NSUN2: variants seen among roughly 807,000 people sequenced by gnomAD.
NSUN2 encodes RNA cytosine C(5)-methyltransferase NSUN2.
NSUN2 carries 63 observed loss-of-function variants against 92.7 expected under a neutral mutation model. The ratio of observed to expected loss-of-function variants is 0.68; its 90% confidence interval spans 0.56 to 0.84. NSUN2 has a LOEUF of 0.84. Ranked by LOEUF, NSUN2 falls within the 40% of genes least tolerant of loss-of-function variation. The pLI is 0.00. For synonymous variants in NSUN2, 356 were observed against 348.3 expected (o/e 1.02, Z -0.25); for missense variants, 989 against 964.9 (o/e 1.02, Z -0.33).
Position 6,610,941 on chromosome 5 carries a change from C to T in NSUN2, c.1226+14G>A, listed in dbSNP as rs768760492. The T allele has an allele frequency of 1.9e-6, 3 of 1,613,502 alleles. No individual in the cohort carries two copies. Among genetic ancestry groups the T allele is most frequent in the African/African-American group, 2.7e-5 (2 of 74,862 alleles). Reference sequence around the variant, plus strand: ...CTTCCCCCCTCCCCACACCTGGAGGCCCCACCAGCTCACCATCGCTCCAGG... The same window carrying T: ...CTTCCCCCCTCCCCACACCTGGAGGTCCCACCAGCTCACCATCGCTCCAGG... On this transcript the variant is annotated intron_variant, in intron 11 of 18. Transcript: ENST00000264670.
chr5:6,631,561 T>C (rs1265887163), intron 3 of NSUN2, among the ~76,000 whole-genome samples: 1 of 152,238 alleles, frequency 6.6e-6, no homozygotes, highest in Admixed American at 6.5e-5. Flanking sequence ...GCAGCCACTC[T>C]GCAACAGTTT....
intron 18 of NSUN2, among the ~76,000 whole-genome samples, chr5:6,600,838 T>C (rs187805462): frequency 3.2e-4 from 49 of 152,308 alleles, no homozygotes; most frequent in African/African-American, 1.2e-3. Context: ...ACAGTGCTCA[T>C]TTCCGTTCCC....
Position 6,633,001 on chromosome 5 carries a change from A to G in NSUN2, c.-22T>C. 1 of 1,429,962 alleles carries G rather than the reference A, an allele frequency of 7.0e-7. No homozygotes were observed. The allele number at this position is 1,429,962 out of a possible 1,614,324, so 88.6% of individuals were successfully genotyped here. A position where few individuals can be genotyped will look rare whatever the true frequency, so the allele number is the denominator to read the frequency against. On this transcript the variant is annotated 5_prime_UTR_variant, in exon 1 of 19. Transcript: ENST00000264670. The stretch of plus-strand genomic sequence containing the variant: ...CCATAGCCCACGCGGCCGCGCACGC[A>G]GCACGCAGAAACCGGCCCGCCACGG...
At chr5:6,632,361 C>T (rs1737953448) in intron 2 of NSUN2, among the ~76,000 whole-genome samples, 1 of 152,124 alleles carries the variant, frequency 6.6e-6, no homozygotes, top group South Asian at 2.1e-4. Context: ...TGGAAGATTC[C>T]CCAGGAGCCG....
chr5:6,617,795 T>G (rs534079579), intron 8 of NSUN2, among the ~76,000 whole-genome samples, 155 bp downstream of exon 8: 19 of 152,372 alleles, frequency 1.2e-4, no homozygotes, highest in African/African-American at 4.6e-4. Context: ...TGAAAGGTTT[T>G]CAAATAACTT....
chr5:6,600,762 A>G (rs1040244252), intron 18 of NSUN2, among the ~76,000 whole-genome samples: 3 of 151,970 alleles, frequency 2.0e-5, no homozygotes, highest in African/African-American at 7.2e-5. Flanking sequence ...CATCCTTTTG[A>G]TACTCAGTGT....
chr5:6,604,741 G>A (rs1560971777), intron 15 of NSUN2, 56 bp from the exon 16 acceptor site: 14 of 1,438,562 alleles, frequency 9.7e-6, no homozygotes, highest in Non-Finnish European at 1.3e-5. Flanking sequence ...ACCATCTCCT[G>A]TAAGGATGCC....
At chr5:6,613,178 G>A (rs1737073226) in intron 9 of NSUN2, among the ~76,000 whole-genome samples, 1 of 152,208 alleles carries the variant, frequency 6.6e-6, no homozygotes, top group African/African-American at 2.4e-5. Context: ...ACTGAATGAA[G>A]TAATTCATTT....
Position 6,601,057 on chromosome 5 carries a change from G to A in NSUN2, c.1998-825C>T, listed in dbSNP as rs376022432. 5.5e-4 allele frequency among the ~76,000 whole-genome samples: 84 copies of A among 152,168 alleles called. No individual in the cohort carries two copies. In the East Asian group the frequency reaches 0.013, roughly 23 times the overall value. On this transcript the variant is annotated intron_variant, in intron 18 of 18. Transcript: ENST00000264670. ...CTGACCTAGATTTTAGGCTCCTAAC[G>A]GCCGTGTTTAATCACCTTTCCATTT... is the stretch of plus-strand genomic sequence containing the variant.
At chr5:6,609,052 T>C (rs1736888919) in intron 12 of NSUN2, among the ~76,000 whole-genome samples, 1 of 152,190 alleles carries the variant, frequency 6.6e-6, no homozygotes, top group Non-Finnish European at 1.5e-5. Flanking sequence ...GCACAAACCG[T>C]GCCCCAGAAA....
chr5:6,604,381 C>G (rs1436573105), intron 16 of NSUN2, 105 bp from the exon 17 acceptor site: 1 of 1,122,510 alleles, frequency 8.9e-7, no homozygotes, highest in Non-Finnish European at 1.3e-6. Context: ...GTGGTCGAGC[C>G]CTCACTATGG....
At chr5:6,606,705 A>G (rs1018339639) in intron 14 of NSUN2, 115 bp downstream of exon 14, 4 of 559,148 alleles carry the variant, frequency 7.2e-6, no homozygotes, top group African/African-American at 5.9e-5. Context: ...GTTAAAAAAA[A>G]AAAAAAAGCT....
chr5:6,600,379 G>GT lies in NSUN2; in HGVS notation c.1998-148_1998-147insA, dbSNP rs369350953. On this transcript the variant is annotated intron_variant, in intron 18 of 18. Coordinates refer to ENST00000264670, the MANE Select transcript of NSUN2 (RefSeq NM_017755.6). ...AAACTACTGGGAGGACATTTCATCT[G>GT]GATCCGAGGGGTAGGTTTTCTCAAA... 450,681 of 694,448 alleles carry GT rather than the reference G, an allele frequency of 0.65. 148,042 individuals carry two copies. Among genetic ancestry groups the GT allele is most frequent in the African/African-American group, 0.73 (40,305 of 55,332 alleles). The allele number at this position is 694,448 out of a possible 1,614,324, so 43.0% of individuals were successfully genotyped here. A position where few individuals can be genotyped will look rare whatever the true frequency, so the allele number is the denominator to read the frequency against.
chr5:6,617,061 T>G (rs1737243520), intron 8 of NSUN2, among the ~76,000 whole-genome samples: 1 of 152,226 alleles, frequency 6.6e-6, no homozygotes, highest in African/African-American at 2.4e-5. Context: ...ATATAAATAT[T>G]CTTACTGCTC....
intron 3 of NSUN2, among the ~76,000 whole-genome samples, chr5:6,631,301 G>A (rs954186606): frequency 1.3e-5 from 2 of 152,142 alleles, no homozygotes; most frequent in African/African-American, 4.8e-5. Context: ...GACTAGAACC[G>A]AGCCATGAGG....
At chr5:6,626,321 T>A (rs952909720) in intron 3 of NSUN2, among the ~76,000 whole-genome samples, 3 of 151,800 alleles carry the variant, frequency 2.0e-5, no homozygotes, top group Non-Finnish European at 4.4e-5. Flanking sequence ...ATCAATGTTA[T>A]TTTTATTTTT....
chr5:6,609,975 T>C (rs1305409560), intron 11 of NSUN2, 53 bp from the exon 12 acceptor site: 2 of 1,254,976 alleles, frequency 1.6e-6, no homozygotes, highest in Non-Finnish European at 2.3e-6. Flanking sequence ...ATGCATTCTT[T>C]TACTATTAAG....
chr5:6,611,655 T>G, intron 10 of NSUN2, 70 bp downstream of exon 10: 1 of 1,311,922 alleles, frequency 7.6e-7, no homozygotes, highest in Non-Finnish European at 1.1e-6. Flanking sequence ...CGTGAATGCT[T>G]TGAAACTTGA....
rs1284727146 is a variant in NSUN2 at position 6,599,814 on chromosome 5, A to C, written c.*112T>G. ...ATCCCACCAGTCTGCAGTCATTAGAAATATATGCTTTACAGGCCACAGGCT... is the reference window on the plus strand; with the variant it reads ...ATCCCACCAGTCTGCAGTCATTAGACATATATGCTTTACAGGCCACAGGCT... On this transcript the variant is annotated 3_prime_UTR_variant, in exon 19 of 19. Coordinates refer to ENST00000264670, the MANE Select transcript of NSUN2 (RefSeq NM_017755.6). 22 of 907,032 alleles carry C rather than the reference A, an allele frequency of 2.4e-5. No individual in the cohort carries two copies. Among genetic ancestry groups the C allele is most frequent in the Non-Finnish European group, 3.4e-5 (20 of 585,332 alleles). 56.2% of individuals were successfully genotyped at this position (907,032 alleles called of 1,614,324 possible).
Sources: gnomAD v4.1 joint callset for allele counts (sites outside exome capture counted in the v4.1 genomes callset) on GRCh38, gnomAD v4.1.1 for gene constraint, MANE v1.5 for transcripts, NCBI Gene and HGNC (gene_info 2026-07-23, HGNC 2026-07-21) for gene names.